The following YPEL2 variants were observed in gnomAD, a reference collection of about 807,000 sequenced individuals.
YPEL2 encodes the protein yippee like 2.
In YPEL2, 2 loss-of-function variants were observed where a neutral mutation model predicts 19.1. The observed-to-expected ratio is 0.10, with a 90% CI of 0.04 to 0.33. YPEL2 has a LOEUF of 0.33. YPEL2 is among the 10% of genes least tolerant of loss of function. YPEL2 has a pLI of 1.00. For synonymous variants in YPEL2, 52 were observed against 50.0 expected, an observed-to-expected ratio of 1.04 and a Z score of -0.17; for missense variants, 66 against 140.7, an observed-to-expected ratio of 0.47 and a Z score of 2.68.
At chr17:59,333,304 G>C (rs2047681438) in intron 1 of YPEL2, among the ~76,000 whole-genome samples, 1 of 152,260 alleles carries the variant, frequency 6.6e-6, no homozygotes. Context: ...ATCTCAGGCA[G>C]GAGTGCAGTG....
At chr17:59,391,462 A>G (rs1245146431) in intron 4 of YPEL2, among the ~76,000 whole-genome samples, 1 of 152,138 alleles carries the variant, frequency 6.6e-6, no homozygotes, top group Non-Finnish European at 1.5e-5. Flanking sequence ...TGAGCAGTAC[A>G]TGCCAGGCAC....
At chr17:59,391,879 G>A (rs1029095719) in intron 4 of YPEL2, among the ~76,000 whole-genome samples, 9 of 149,800 alleles carry the variant, frequency 6.0e-5, no homozygotes, top group Admixed American at 1.3e-4. Context: ...CAGCCTGGGC[G>A]ACAGAGTGAG....
intron 1 of YPEL2, among the ~76,000 whole-genome samples, chr17:59,351,902 G>C (rs1416735825): frequency 6.6e-6 from 1 of 152,206 alleles, no homozygotes; most frequent in Non-Finnish European, 1.5e-5. Context: ...GTGCTAGTTA[G>C]TTAGTTGGCC....
At chr17:59,380,223 G>A (rs906162856) in intron 2 of YPEL2, among the ~76,000 whole-genome samples, 1 of 148,898 alleles carries the variant, frequency 6.7e-6, no homozygotes, top group Non-Finnish European at 1.5e-5. Flanking sequence ...CAGTAACAAA[G>A]TATATAGTCT....
intron 4 of YPEL2, among the ~76,000 whole-genome samples, chr17:59,393,501 ATTT>A (rs1228313372): frequency 6.9e-6 from 1 of 144,024 alleles, no homozygotes; most frequent in East Asian, 2.0e-4. Context: ...TTTATTTTTT[ATTT>A]TTTTATTTTA....
rs553308873 is a variant in YPEL2, at chr17:59,398,670, C to T, written c.*1480C>T. The T allele has an allele frequency of 6.6e-6, 1 of 152,320 alleles. No homozygotes were observed. Among genetic ancestry groups the T allele is most frequent in the Non-Finnish European group, 1.5e-5 (1 of 68,032 alleles). 9.4% of individuals were successfully genotyped at this position (152,320 alleles called of 1,614,324 possible). ...CATTACACAGTATATGACTGAAACT[C>T]ATTTAACTGGGTTAATTTCATTTCT... On this transcript the variant is annotated 3_prime_UTR_variant, in exon 5 of 5. Transcript: ENST00000312655.
intron 2 of YPEL2, among the ~76,000 whole-genome samples, chr17:59,370,274 A>G (rs1242440757): frequency 6.6e-6 from 1 of 152,180 alleles, no homozygotes; most frequent in African/African-American, 2.4e-5. Flanking sequence ...TGTGTTAGCC[A>G]GGATGGTCTT....
At chr17:59,349,339 G>A (rs1472778828) in intron 1 of YPEL2, among the ~76,000 whole-genome samples, 3 of 147,286 alleles carry the variant, frequency 2.0e-5, no homozygotes, top group African/African-American at 5.0e-5. Context: ...CCCTTTCTCA[G>A]CCCACAGGCC....
chr17:59,376,206 A>G (rs1388488189), intron 2 of YPEL2, among the ~76,000 whole-genome samples: 1 of 151,946 alleles, frequency 6.6e-6, no homozygotes, highest in Non-Finnish European at 1.5e-5. Context: ...GTCATCATTT[A>G]TTGATTGTGG....
chr17:59,389,404 C>T lies in YPEL2; in HGVS notation c.206C>T (p.Thr69Ile). The change falls in exon 4 of 5, where the codon ACA becomes ATA. Residue 69 changes from threonine (T) to isoleucine (I), a missense_variant. Transcript: ENST00000312655. The part of the protein sequence containing the change: ...CGPAEERVLL[T>I]GLHAVADIYC... ...CCTGCAGAAGAGCGAGTGTTGCTAACAGGACTGCATGCAGTCGCAGACATT... is the reference window on the plus strand; with the variant it reads ...CCTGCAGAAGAGCGAGTGTTGCTAATAGGACTGCATGCAGTCGCAGACATT... 1 of 1,614,096 alleles carries T rather than the reference C, an allele frequency of 6.2e-7. No individual in the cohort carries two copies. The highest frequency in any genetic ancestry group is 8.5e-7 in the Non-Finnish European group (1 of 1,180,030).
chr17:59,360,796 C>T (rs1054031966), intron 2 of YPEL2, among the ~76,000 whole-genome samples: 5 of 152,028 alleles, frequency 3.3e-5, no homozygotes, highest in South Asian at 2.1e-4. Context: ...AGATTGAACC[C>T]GTTCAGGATG....
intron 2 of YPEL2, among the ~76,000 whole-genome samples, chr17:59,358,366 A>G (rs2047823622): frequency 6.6e-6 from 1 of 151,876 alleles, no homozygotes; most frequent in African/African-American, 2.4e-5. Context: ...AGATGTTCTG[A>G]ATCCTTGTAT....
At chr17:59,332,049 C>G (rs1391395881) in intron 1 of YPEL2, among the ~76,000 whole-genome samples, 2 of 151,904 alleles carry the variant, frequency 1.3e-5, no homozygotes, top group African/African-American at 4.8e-5. Flanking sequence ...CTGCCGGGCC[C>G]GCGGCCGCTC....
At chr17:59,386,266 A>G (rs2047979830) in intron 2 of YPEL2, among the ~76,000 whole-genome samples, 1 of 151,582 alleles carries the variant, frequency 6.6e-6, no homozygotes, top group Non-Finnish European at 1.5e-5. Context: ...GGTGGAGGCT[A>G]CAGTGAGTCA....
chr17:59,357,399 G>A (rs535488439), intron 2 of YPEL2, among the ~76,000 whole-genome samples: 4 of 152,244 alleles, frequency 2.6e-5, no homozygotes, highest in Admixed American at 6.5e-5. Context: ...GGTAAAGAGG[G>A]TAGGGGGAAA....
intron 3 of YPEL2, 86 bp downstream of exon 3, chr17:59,388,456 A>G (rs2047992048): frequency 7.4e-7 from 1 of 1,350,608 alleles, no homozygotes; most frequent in Non-Finnish European, 1.1e-6. Flanking sequence ...TTAAACAATG[A>G]ACCCTGCCCT....
intron 1 of YPEL2, among the ~76,000 whole-genome samples, chr17:59,352,645 G>A (rs970780826): frequency 1.3e-5 from 2 of 152,240 alleles, no homozygotes; most frequent in African/African-American, 2.4e-5. Context: ...TAGCACTAGG[G>A]ATCCTGCTGA....
intron 1 of YPEL2, among the ~76,000 whole-genome samples, chr17:59,344,877 C>A (rs946953005): frequency 2.0e-5 from 3 of 152,270 alleles, no homozygotes; most frequent in Admixed American, 6.5e-5. Context: ...CTCTGTAGCT[C>A]TTCCATCCCT....
chr17:59,371,049 G>T (rs530798648), intron 2 of YPEL2, among the ~76,000 whole-genome samples: 2 of 152,174 alleles, frequency 1.3e-5, no homozygotes, highest in Non-Finnish European at 2.9e-5. Flanking sequence ...GAGGGAGTTA[G>T]AGCTCCTGTG....
Sources: gnomAD v4.1 joint callset for allele counts (sites outside exome capture counted in the v4.1 genomes callset) on GRCh38, gnomAD v4.1.1 for gene constraint, MANE v1.5 for transcripts, NCBI Gene and HGNC (gene_info 2026-07-23, HGNC 2026-07-21) for gene names.